Variants in HHIP observed in about 807,000 individuals in gnomAD.
The protein encoded by HHIP is hedgehog interacting protein, also known as hedgehog-interacting protein.
Under a neutral mutation model 74.0 loss-of-function variants are expected in HHIP, and 12 were observed. The ratio of observed to expected loss-of-function variants is 0.16; its 90% CI spans 0.10 to 0.26. The LOEUF (loss-of-function observed/expected upper bound fraction) is 0.26. Among genes scored for constraint, HHIP ranks in the 10% least tolerant of loss-of-function variants. HHIP has a pLI of 1.00. For missense variants in HHIP, 788 were observed against 845.0 expected (o/e 0.93, Z 0.84); for synonymous variants, 309 against 311.6 (o/e 0.99, Z 0.09).
intron 12 of HHIP, 71 bp downstream of exon 12, chr4:144,734,960 T>C (rs924942173): frequency 7.1e-7 from 1 of 1,405,868 alleles, no homozygotes; most frequent in Non-Finnish European, 9.8e-7. Flanking sequence ...GAACTCAACA[T>C]TGATTGTTTC....
At chr4:144,709,254 A>T (rs1396979057) in intron 7 of HHIP, among the ~76,000 whole-genome samples, 1 of 152,072 alleles carries the variant, frequency 6.6e-6, no homozygotes, top group African/African-American at 2.4e-5. Context: ...CCTTTTTGGC[A>T]TCTCAGCAGA....
chr4:144,649,419 T>C (rs1033144544), intron 1 of HHIP, among the ~76,000 whole-genome samples: 2 of 152,184 alleles, frequency 1.3e-5, no homozygotes, highest in African/African-American at 4.8e-5. Flanking sequence ...TGAACTAGAA[T>C]TGAGTTCAAT....
intron 4 of HHIP, among the ~76,000 whole-genome samples, chr4:144,692,776 T>C (rs1004407837): frequency 2.6e-5 from 4 of 152,156 alleles, no homozygotes; most frequent in Non-Finnish European, 5.9e-5. Flanking sequence ...TCAGGGGTCA[T>C]CCTTCTATCT....
At position 144,738,519 on chromosome 4, in the gene HHIP, T is replaced by G. The variant is rs1731185254; in HGVS notation, c.*562T>G. 1 of 965,918 alleles carries G rather than the reference T, an allele frequency of 1.0e-6. No individual in the cohort carries two copies. The highest frequency in any genetic ancestry group is 1.8e-5 in the African/African-American group (1 of 56,884). 59.8% of individuals were successfully genotyped at this position (965,918 alleles called of 1,614,324 possible). A position where few individuals can be genotyped will look rare whatever the true frequency, so the allele number is the denominator to read the frequency against. On this transcript the variant is annotated 3_prime_UTR_variant, in exon 13 of 13. Transcript: ENST00000296575. The stretch of plus-strand genomic sequence containing the variant: ...TATCCAGTTACAGAATGCTACACAC[T>G]TACCTTTTTATTGGCTGAGAAATCT...
At chr4:144,731,670 TCAACCTCC>T (rs1389084756) in intron 11 of HHIP, among the ~76,000 whole-genome samples, 2 of 152,164 alleles carry the variant, frequency 1.3e-5, no homozygotes, top group African/African-American at 4.8e-5. Context: ...TCCACCCACC[TCAACCTCC>T]CAACATGCTG....
At chr4:144,668,323 A>G (rs1728934083) in intron 4 of HHIP, among the ~76,000 whole-genome samples, 1 of 151,902 alleles carries the variant, frequency 6.6e-6, no homozygotes, top group Admixed American at 6.5e-5. Context: ...CCATCTCAAA[A>G]AAAAAAAGCA....
At chr4:144,705,039 G>C (rs1241626621) in intron 4 of HHIP, among the ~76,000 whole-genome samples, 1 of 152,184 alleles carries the variant, frequency 6.6e-6, no homozygotes, top group Admixed American at 6.5e-5. Context: ...TGCATATTGT[G>C]ATGTGGAGGA....
intron 12 of HHIP, among the ~76,000 whole-genome samples, chr4:144,736,734 C>T (rs1350557791): frequency 6.6e-6 from 1 of 152,112 alleles, no homozygotes; most frequent in Non-Finnish European, 1.5e-5. Context: ...ATAACATTTA[C>T]CAAAACCATT....
intron 4 of HHIP, among the ~76,000 whole-genome samples, chr4:144,693,182 ATC>A (rs906733912): frequency 1.3e-5 from 2 of 152,086 alleles, no homozygotes; most frequent in African/African-American, 4.8e-5. Flanking sequence ...TCAGGAACTA[ATC>A]TCTGCATAGT....
rs778824445 is a variant in HHIP at position 144,659,953 on chromosome 4, A to T, written c.831+115A>T. 5.4e-6 allele frequency: 4 copies of T among 741,902 alleles called. No homozygotes were observed. In the South Asian group the frequency reaches 7.0e-5, roughly 13 times the overall value. The allele number at this position is 741,902 out of a possible 1,614,324, so 46.0% of individuals were successfully genotyped here. On this transcript the variant is annotated intron_variant, in intron 4 of 12. Transcript: ENST00000296575. ...TAAAAGAAAGAATCTTGCAGGAGAA[A>T]ATAAGGGGGCAACATAAGAAACAAT...
chr4:144,665,566 C>T (rs997436434), intron 4 of HHIP, among the ~76,000 whole-genome samples: 1 of 152,108 alleles, frequency 6.6e-6, no homozygotes, highest in Non-Finnish European at 1.5e-5. Flanking sequence ...AATTATTTTT[C>T]ATAAAGCCAA....
At position 144,656,799 on chromosome 4, in the gene HHIP, GT is replaced by G. The variant is rs761167395; in HGVS notation, c.473-1981del. On this transcript the variant is annotated intron_variant, in intron 2 of 12. Transcript: ENST00000296575. ...GCAAAGAGTTTGATTTAACAATTTA[GT>G]TTTTTTTTTCTTTTTACCTCTAAGA... Among the ~76,000 whole-genome samples, 557 of 149,096 alleles carry G rather than the reference GT, an allele frequency of 3.7e-3. 5 individuals are homozygous for G. Among genetic ancestry groups the G allele is most frequent in the Non-Finnish European group, 1.6e-3 (106 of 66,974 alleles).
intron 11 of HHIP, among the ~76,000 whole-genome samples, chr4:144,731,286 C>T (rs1019528392): frequency 1.3e-5 from 2 of 152,152 alleles, no homozygotes; most frequent in Non-Finnish European, 2.9e-5. Flanking sequence ...TAACCATCTT[C>T]CATGTGCAAC....
chr4:144,661,435 A>G (rs1456490422), intron 4 of HHIP: 1 of 152,204 alleles, frequency 6.6e-6, no homozygotes, highest in Non-Finnish European at 1.5e-5. Flanking sequence ...TGGTGAACTT[A>G]TATGACATAT....
At chr4:144,672,360 T>C (rs1729060606) in intron 4 of HHIP, among the ~76,000 whole-genome samples, 1 of 152,194 alleles carries the variant, frequency 6.6e-6, no homozygotes, top group African/African-American at 2.4e-5. Context: ...TTTCAGTTAA[T>C]GACAAGATAA....
At position 144,740,874 on chromosome 4, in the gene HHIP, C is replaced by T. The variant is rs1439042185; in HGVS notation, c.*2917C>T. 5 of 152,110 alleles carry T rather than the reference C, an allele frequency of 3.3e-5. No individual in the cohort carries two copies. The highest frequency in any genetic ancestry group is 1.2e-4 in the African/African-American group (5 of 41,420). The allele number at this position is 152,110 out of a possible 1,614,324, so 9.4% of individuals were successfully genotyped here. A position where few individuals can be genotyped will look rare whatever the true frequency, so the allele number is the denominator to read the frequency against. ...TCCCTTGTCCATTCTCAAGTTTAAG[C>T]TGCGGTTGTCAGTTGAATGTGAAAT... On this transcript the variant is annotated 3_prime_UTR_variant, in exon 13 of 13. Transcript: ENST00000296575.
At position 144,669,752 on chromosome 4, in the gene HHIP, A is replaced by G. The variant is rs1201798154; in HGVS notation, c.831+9914A>G. 1.2e-4 allele frequency among the ~76,000 whole-genome samples: 19 copies of G among 152,080 alleles called. 1 individual carries two copies. The highest frequency in any genetic ancestry group is 2.2e-4 in the Non-Finnish European group (15 of 68,014). On this transcript the variant is annotated intron_variant, in intron 4 of 12. Transcript: ENST00000296575. ...AAGCTTAACACAAAAATAAAGCATTATTTTAAAATATCTTACAGTTTTATA... is the reference window on the plus strand; with the variant it reads ...AAGCTTAACACAAAAATAAAGCATTGTTTTAAAATATCTTACAGTTTTATA...
chr4:144,718,871 A>C lies in HHIP; in HGVS notation c.1679-4A>C. The C allele has an allele frequency of 6.3e-7, 1 of 1,592,932 alleles. No individual in the cohort carries two copies. Among genetic ancestry groups the C allele is most frequent in the Middle Eastern group, 1.7e-4 (1 of 6,008 alleles). ...TTGCTTATTGTTATTTCTTTCTTTA[A>C]CAGGTGAAGTTTACATTTTATCAAG... On this transcript the variant is annotated splice_polypyrimidine_tract_variant and splice_region_variant and intron_variant, in intron 10 of 12. Coordinates refer to ENST00000296575, the MANE Select transcript of HHIP (RefSeq NM_022475.3).
At position 144,741,803 on chromosome 4, in the gene HHIP, T is replaced by C. The variant is rs1288891388; in HGVS notation, c.*3846T>C. On this transcript the variant is annotated 3_prime_UTR_variant, in exon 13 of 13. Transcript: ENST00000296575. ...ATACATTAATTTAAACTTTTATTAG[T>C]CTAACTTTCTGTTAAGTCTCTTAGC... is the stretch of plus-strand genomic sequence containing the variant. 1 of 152,158 alleles carries C rather than the reference T, an allele frequency of 6.6e-6. No homozygotes were observed. Among genetic ancestry groups the C allele is most frequent in the Admixed American group, 6.5e-5 (1 of 15,270 alleles). 9.4% of individuals were successfully genotyped at this position (152,158 alleles called of 1,614,324 possible).
Sources: gnomAD v4.1 joint callset for allele counts (sites outside exome capture counted in the v4.1 genomes callset) on GRCh38, gnomAD v4.1.1 for gene constraint, MANE v1.5 for transcripts, NCBI Gene and HGNC (gene_info 2026-07-23, HGNC 2026-07-21) for gene names.